ZNF263: variants seen among roughly 807,000 people sequenced by gnomAD.
The protein encoded by ZNF263 is zinc finger protein FPM315.
Under a neutral mutation model 63.1 loss-of-function variants are expected in ZNF263, and 49 were observed. The observed-to-expected ratio is 0.78, with a 90% confidence interval of 0.62 to 0.99. ZNF263 has a LOEUF of 0.99. ZNF263 is among the 50% of genes least tolerant of loss of function. The probability of loss-of-function intolerance (pLI) is 0.00; values close to 1 mark genes in which losing one functional copy is unlikely to be tolerated. For missense variants in ZNF263, 872 were observed against 854.8 expected (o/e 1.02, Z -0.25); for synonymous variants, 352 against 324.2 (o/e 1.09, Z -0.92).
At chr16:3,299,608 A>C in intron 2 of ZNF263, 5 of 1,561,528 alleles carry the variant, frequency 3.2e-6, no homozygotes, top group Non-Finnish European at 4.3e-6. Flanking sequence ...TTTGCAGCTC[A>C]AGATCACACC....
chr16:3,286,158 TTC>T lies in ZNF263; in HGVS notation c.769+11_769+12del. 1 of 1,580,522 alleles carries T rather than the reference TTC, an allele frequency of 6.3e-7. No individual in the cohort carries two copies. The highest frequency in any genetic ancestry group is 8.6e-7 in the Non-Finnish European group (1 of 1,168,912). ...GAATGTGGACTCACTGGGTAAGGACTTCTTTTCCAGGGATGATGACTGCGCCA... is the reference window on the plus strand; with the variant it reads ...GAATGTGGACTCACTGGGTAAGGACTTTTTCCAGGGATGATGACTGCGCCA... On this transcript the variant is annotated intron_variant, in intron 4 of 5. Coordinates refer to ENST00000219069, the MANE Select transcript of ZNF263 (RefSeq NM_005741.5).
intron 2 of ZNF263, chr16:3,299,885 T>C (rs1959884546): frequency 6.2e-7 from 1 of 1,605,702 alleles, no homozygotes. Context: ...ACAGGCAATG[T>C]ACTTGTGTCC....
downstream of ZNF263, chr16:3,292,876 A>C (rs1203115540): frequency 6.6e-6 from 1 of 152,242 alleles, no homozygotes; most frequent in African/African-American, 2.4e-5. Context: ...GAAAATAACT[A>C]CATAAAGCAG....
downstream of ZNF263, among the ~76,000 whole-genome samples, chr16:3,294,421 C>T (rs1959693285): frequency 6.6e-6 from 1 of 152,112 alleles, no homozygotes; most frequent in South Asian, 2.1e-4. Context: ...CACTAGGAGA[C>T]TTAATTTTGG....
chr16:3,300,429 T>G (rs757693854), intron 2 of ZNF263: 3 of 1,614,206 alleles, frequency 1.9e-6, no homozygotes, highest in Non-Finnish European at 2.5e-6. Flanking sequence ...CCCCTACTAA[T>G]GGCATGTCCT....
intron 1 of ZNF263, among the ~76,000 whole-genome samples, chr16:3,298,405 A>G (rs930353114): frequency 1.3e-5 from 2 of 152,248 alleles, no homozygotes; most frequent in African/African-American, 4.8e-5. Flanking sequence ...ACAGTAAGAG[A>G]TAAGGTTTTA....
Position 3,290,393 on chromosome 16 carries a change from AC to A in ZNF263, c.1890del (p.Tyr631IlefsTer20). 1 of 1,613,844 alleles carries A rather than the reference AC, an allele frequency of 6.2e-7. No individual in the cohort carries two copies. The highest frequency in any genetic ancestry group is 8.5e-7 in the Non-Finnish European group (1 of 1,179,960). ...RHQRIHTGEK[P>X]YTCHECGDSF... ...ACCAGAGAATCCACACAGGAGAAAA[AC>A]CCTATACCTGTCATGAGTGCGGAGA... On this transcript the variant is annotated frameshift_variant, in exon 6 of 6. Transcript: ENST00000219069. LOFTEE classifies it high-confidence loss of function.
At chr16:3,300,440 G>C (rs368061526) in intron 2 of ZNF263, 50 of 1,614,000 alleles carry the variant, frequency 3.1e-5, no homozygotes, top group Non-Finnish European at 3.9e-5. Flanking sequence ...GGCATGTCCT[G>C]CTTCAGTACA....
chr16:3,299,013 A>G (rs139056404), intron 1 of ZNF263: 50 of 1,355,962 alleles, frequency 3.7e-5, no homozygotes, highest in Admixed American at 2.9e-5. Flanking sequence ...AGTCCTTAAT[A>G]TTATGAGGCC....
downstream of ZNF263, among the ~76,000 whole-genome samples, chr16:3,295,050 CG>C (rs1959708328): frequency 6.6e-6 from 1 of 152,182 alleles, no homozygotes; most frequent in Admixed American, 6.5e-5. Context: ...CAGCACCCGG[CG>C]CAAGTGTGAG....
chr16:3,284,417 C>T (rs1380311505), intron 1 of ZNF263, among the ~76,000 whole-genome samples: 3 of 152,254 alleles, frequency 2.0e-5, no homozygotes, highest in Non-Finnish European at 4.4e-5. Flanking sequence ...GAGGCGGTGT[C>T]CCTGCAACAG....
At position 3,289,574 on chromosome 16, in the gene ZNF263, C is replaced by G. The variant is rs765371101; in HGVS notation, c.1068C>G (p.Ala356=). 1 of 1,613,860 alleles carries G rather than the reference C, an allele frequency of 6.2e-7. No homozygotes were observed. The highest frequency in any genetic ancestry group is 1.1e-5 in the South Asian group (1 of 91,070). The change falls in exon 6 of 6, where the codon GCC becomes GCG. Residue 356 remains alanine, a synonymous_variant. Transcript: ENST00000219069. ...APPPEGGMEQ[A]LAGASSGREL... ...CCCCAGAGGGTGGAATGGAGCAGGC[C>G]TTGGCAGGAGCCTCAAGTGGCAGAG... is the stretch of plus-strand genomic sequence containing the variant.
At chr16:3,293,168 C>G (rs1368555490), downstream of ZNF263, 1 of 152,200 alleles carries the variant, frequency 6.6e-6, no homozygotes, top group Non-Finnish European at 1.5e-5. Context: ...GTGGGAAGTG[C>G]TTGCATCATG....
Position 3,290,835 on chromosome 16 carries a change from C to G in ZNF263, c.*277C>G. The G allele has an allele frequency of 8.5e-7, 1 of 1,176,884 alleles. No individual in the cohort carries two copies. Among genetic ancestry groups the G allele is most frequent in the South Asian group, 3.1e-5 (1 of 32,562 alleles). 72.9% of individuals were successfully genotyped at this position (1,176,884 alleles called of 1,614,324 possible). A position where few individuals can be genotyped will look rare whatever the true frequency, so the allele number is the denominator to read the frequency against. The stretch of plus-strand genomic sequence containing the variant: ...CCCAGGGTGCTCCTACCCTCTTGGT[C>G]TTTTTAAAGCCAAGGTGCGATTTGG... On this transcript the variant is annotated 3_prime_UTR_variant, in exon 6 of 6. Coordinates refer to ENST00000219069, the MANE Select transcript of ZNF263 (RefSeq NM_005741.5).
intron 1 of ZNF263, among the ~76,000 whole-genome samples, chr16:3,284,689 GTTAA>G (rs1487115682): frequency 6.6e-6 from 1 of 152,180 alleles, no homozygotes; most frequent in Non-Finnish European, 1.5e-5. Flanking sequence ...CTGGGCCTCC[GTTAA>G]TTGTGAACTT....
chr16:3,295,147 G>A (rs1959710519), downstream of ZNF263, among the ~76,000 whole-genome samples: 1 of 152,184 alleles, frequency 6.6e-6, no homozygotes, highest in Non-Finnish European at 1.5e-5. Context: ...CAAAGCAGAC[G>A]CCTCCTGCTC....
chr16:3,300,686 AC>A, intron 2 of ZNF263: 2 of 1,511,180 alleles, frequency 1.3e-6, no homozygotes, highest in Middle Eastern at 2.2e-4. Context: ...CAAAAAAAAA[AC>A]CCACATTTTT....
chr16:3,299,613 C>G, intron 2 of ZNF263: 1 of 1,560,428 alleles, frequency 6.4e-7, no homozygotes, highest in Non-Finnish European at 8.6e-7. Flanking sequence ...AGCTCAAGAT[C>G]ACACCTTGAT....
chr16:3,285,780 C>T (rs748169840), intron 3 of ZNF263, 26 bp downstream of exon 3: 4 of 1,611,840 alleles, frequency 2.5e-6, no homozygotes, highest in East Asian at 2.2e-5. Context: ...CCATTGTCTC[C>T]CCCCAGCACC....
Sources: gnomAD v4.1 joint callset for allele counts (sites outside exome capture counted in the v4.1 genomes callset) on GRCh38, gnomAD v4.1.1 for gene constraint, MANE v1.5 for transcripts, NCBI Gene and HGNC (gene_info 2026-07-23, HGNC 2026-07-21) for gene names.